GPR63: variants seen among roughly 807,000 people sequenced by gnomAD.
GPR63 encodes the protein G protein-coupled receptor 63.
Under a neutral mutation model 23.1 loss-of-function variants are expected in GPR63, and 12 were observed. That is an observed-to-expected ratio of 0.52 (90% CI 0.33 to 0.84). The LOEUF is 0.84. GPR63 is among the 40% of genes least tolerant of loss of function. The pLI is 0.02. For synonymous variants in GPR63, 172 were observed against 191.1 expected, an observed-to-expected ratio of 0.90 and a Z score of 0.82; for missense variants, 472 against 515.6, an observed-to-expected ratio of 0.92 and a Z score of 0.82.
At position 96,833,310 on chromosome 6, in the gene GPR63, C is replaced by T. The variant is rs1238863207; in HGVS notation, c.-151+3958G>A. Among the ~76,000 whole-genome samples, 4 of 152,182 alleles carry T rather than the reference C, an allele frequency of 2.6e-5. No individual in the cohort carries two copies. The South Asian group carries it at 6.2e-4, about 24-fold the overall frequency. On this transcript the variant is annotated intron_variant, in intron 1 of 1. Transcript: ENST00000229955. ...AAAATCCTGCACCAGACAGCCTCAA[C>T]CAAATACCATACCAAATACATGGGA...
intron 1 of GPR63, among the ~76,000 whole-genome samples, chr6:96,821,292 T>C (rs1200038927): frequency 6.6e-6 from 1 of 152,322 alleles, no homozygotes; most frequent in Admixed American, 6.5e-5. Context: ...CACCAACCTT[T>C]CAGTGACATT....
chr6:96,800,938 T>C (rs1773746795), intron 1 of GPR63, among the ~76,000 whole-genome samples: 1 of 152,230 alleles, frequency 6.6e-6, no homozygotes, highest in Non-Finnish European at 1.5e-5. Flanking sequence ...CTTTCTCTTA[T>C]CCTAACCCCC....
Position 96,813,524 on chromosome 6 carries a change from G to A in GPR63, c.-150-13643C>T, listed in dbSNP as rs369758571. Among the ~76,000 whole-genome samples the A allele has an allele frequency of 5.3e-5, 8 of 152,306 alleles. No individual in the cohort carries two copies. In the South Asian group the frequency reaches 1.0e-3, roughly 20 times the overall value. On this transcript the variant is annotated intron_variant, in intron 1 of 1. Coordinates refer to ENST00000229955, the MANE Select transcript of GPR63 (RefSeq NM_030784.4). ...CTTTTATTCCATTGTCATCTGCAAA[G>A]ATACTTGATATGCTTTCAATTCTAT...
rs1773641958 is a variant in GPR63 at position 96,798,185 on chromosome 6, T to A, written c.*287A>T. On this transcript the variant is annotated 3_prime_UTR_variant, in exon 2 of 2. Transcript: ENST00000229955. ...CAGGCTCAATAAAGCACAATCCTGATTCCCACTATGAAAACAAAATCAATC... is the reference window on the plus strand; with the variant it reads ...CAGGCTCAATAAAGCACAATCCTGAATCCCACTATGAAAACAAAATCAATC... 1 of 325,282 alleles carries A rather than the reference T, an allele frequency of 3.1e-6. No individual in the cohort carries two copies. Among genetic ancestry groups the A allele is most frequent in the Non-Finnish European group, 5.6e-6 (1 of 177,928 alleles). 20.1% of individuals were successfully genotyped at this position (325,282 alleles called of 1,614,324 possible).
intron 1 of GPR63, among the ~76,000 whole-genome samples, chr6:96,833,477 T>C (rs574671241): frequency 2.6e-5 from 4 of 152,298 alleles, no homozygotes; most frequent in Admixed American, 6.5e-5. Context: ...TTGTATAAAG[T>C]AGGAAGATGT....
intron 1 of GPR63, among the ~76,000 whole-genome samples, chr6:96,828,087 ACAATT>A (rs1193365760): frequency 6.6e-6 from 1 of 152,208 alleles, no homozygotes; most frequent in Non-Finnish European, 1.5e-5. Context: ...TAAGAGTTAA[ACAATT>A]CCTAAGAAAT....
intron 1 of GPR63, among the ~76,000 whole-genome samples, chr6:96,833,461 T>G (rs903939805): frequency 1.3e-5 from 2 of 152,230 alleles, no homozygotes; most frequent in Non-Finnish European, 2.9e-5. Flanking sequence ...TTTGTTTTGT[T>G]TTATATTGTA....
At chr6:96,818,331 T>C (rs951760507) in intron 1 of GPR63, among the ~76,000 whole-genome samples, 2 of 151,980 alleles carry the variant, frequency 1.3e-5, no homozygotes, top group African/African-American at 2.4e-5. Flanking sequence ...AGTGTGGTAG[T>C]TCGTGTCTGT....
At chr6:96,834,316 CAA>C (rs1774665923) in intron 1 of GPR63, among the ~76,000 whole-genome samples, 1 of 152,116 alleles carries the variant, frequency 6.6e-6, no homozygotes, top group African/African-American at 2.4e-5. Context: ...GCAAAAGTAC[CAA>C]TTTTGTGGAT....
chr6:96,798,526 T>C lies in GPR63; in HGVS notation c.1206A>G (p.Arg402=). 1 of 1,614,174 alleles carries C rather than the reference T, an allele frequency of 6.2e-7. No individual in the cohort carries two copies. The highest frequency in any genetic ancestry group is 8.5e-7 in the Non-Finnish European group (1 of 1,180,034). ...CATAGACAGCACTAGGACGTATCCG[T>C]CGCTTTGTGTGACCAGGGAGCTGCG... ...FLPQLPGHTK[R]RIRPSAVYVC... The change falls in exon 2 of 2, where the codon CGA becomes CGG. Residue 402 remains arginine, a synonymous_variant. Coordinates refer to ENST00000229955, the MANE Select transcript of GPR63 (RefSeq NM_030784.4).
At chr6:96,831,616 T>C (rs1774582353) in intron 1 of GPR63, among the ~76,000 whole-genome samples, 1 of 152,096 alleles carries the variant, frequency 6.6e-6, no homozygotes, top group East Asian at 1.9e-4. Context: ...TGTATAAAAA[T>C]TGAGCTATAG....
intron 1 of GPR63, 56 bp from the exon 2 acceptor site, chr6:96,799,937 A>G: frequency 1.7e-6 from 1 of 598,184 alleles, no homozygotes; most frequent in Non-Finnish European, 3.0e-6. Context: ...TGCAAATAAC[A>G]TTTAACTCCA....
rs1773592057 is a variant in GPR63 at position 96,796,852 on chromosome 6, A to AC, written c.*1619_*1620insG. On this transcript the variant is annotated 3_prime_UTR_variant, in exon 2 of 2. Coordinates refer to ENST00000229955, the MANE Select transcript of GPR63 (RefSeq NM_030784.4). ...ACTTGTTTTGCAAATCAAAAACAAA[A>AC]AAAAAAATCACTGGTTTTGCTTCAC... 1 of 152,188 alleles carries AC rather than the reference A, an allele frequency of 6.6e-6. No individual in the cohort carries two copies. Among genetic ancestry groups the AC allele is most frequent in the South Asian group, 2.1e-4 (1 of 4,824 alleles). 9.4% of individuals were successfully genotyped at this position (152,188 alleles called of 1,614,324 possible).
chr6:96,813,939 A>C (rs1774101587), intron 1 of GPR63, among the ~76,000 whole-genome samples: 1 of 152,224 alleles, frequency 6.6e-6, no homozygotes, highest in Non-Finnish European at 1.5e-5. Context: ...ACTAAACTGG[A>C]GTAAAACAAA....
intron 1 of GPR63, among the ~76,000 whole-genome samples, chr6:96,811,625 C>T (rs570899517): frequency 1.3e-5 from 2 of 152,082 alleles, no homozygotes; most frequent in South Asian, 4.2e-4. Flanking sequence ...AAATTGCAAA[C>T]TAAGAGAGGA....
At chr6:96,821,857 T>C (rs903831063) in intron 1 of GPR63, among the ~76,000 whole-genome samples, 6 of 152,192 alleles carry the variant, frequency 3.9e-5, no homozygotes, top group African/African-American at 1.2e-4. Context: ...AAGCATAATC[T>C]CTTGGCGTAA....
chr6:96,818,286 A>G (rs1774213953), intron 1 of GPR63, among the ~76,000 whole-genome samples: 1 of 152,062 alleles, frequency 6.6e-6, no homozygotes, highest in South Asian at 2.1e-4. Flanking sequence ...ACATGGTGAA[A>G]ACCCCTCTTT....
intron 1 of GPR63, among the ~76,000 whole-genome samples, chr6:96,814,256 G>A (rs765559687): frequency 1.3e-5 from 2 of 152,084 alleles, no homozygotes; most frequent in Non-Finnish European, 2.9e-5. Context: ...AGGTCACATA[G>A]CTGGTAAACA....
chr6:96,810,745 T>G (rs543556746), intron 1 of GPR63, among the ~76,000 whole-genome samples: 74 of 152,326 alleles, frequency 4.9e-4, no homozygotes, highest in South Asian at 2.1e-3. Context: ...TACATAGGTA[T>G]AGACAAACAG....
Sources: allele counts gnomAD v4.1 joint callset (sites outside exome capture counted in the v4.1 genomes callset), GRCh38; gene constraint gnomAD v4.1.1; transcripts MANE v1.5; gene names NCBI Gene and HGNC (gene_info 2026-07-23, HGNC 2026-07-21).